The following SETD1A variants were observed in gnomAD, a reference collection of about 807,000 sequenced individuals.
SETD1A encodes the protein histone-lysine N-methyltransferase SETD1A.
In SETD1A, 29 loss-of-function variants were observed where a neutral mutation model predicts 149.9. The ratio of observed to expected loss-of-function variants is 0.19; its 90% CI spans 0.14 to 0.26. SETD1A has a LOEUF of 0.26. Ranked by LOEUF, SETD1A falls within the 10% of genes least tolerant of loss-of-function variation. The pLI, the probability that SETD1A is intolerant of heterozygous loss-of-function variation, is 1.00. For synonymous variants in SETD1A, 1,141 were observed against 968.5 expected, an observed-to-expected ratio of 1.18 and a Z score of -3.31; for missense variants, 2,109 against 2,353.1, an observed-to-expected ratio of 0.90 and a Z score of 2.15.
intron 13 of SETD1A, among the ~76,000 whole-genome samples, chr16:30,977,195 C>T (rs543987060): frequency 2.7e-4 from 41 of 152,314 alleles, no homozygotes; most frequent in South Asian, 2.1e-3. Flanking sequence ...CCACCCGCCT[C>T]GGCCTCCCAA....
chr16:30,983,556 C>A lies in SETD1A; in HGVS notation c.4813-79C>A. The A allele has an allele frequency of 6.5e-7, 1 of 1,533,630 alleles. No individual in the cohort carries two copies. The highest frequency in any genetic ancestry group is 1.2e-5 in the South Asian group (1 of 81,034). ...AGCTCCAGGCCTGGTGGGCGTGGAC[C>A]TGGGGTGCTGGCTGGCAGGCGTGCT... On this transcript the variant is annotated intron_variant, in intron 17 of 18. Transcript: ENST00000262519. This position sits in a 1 kb window ranked among gnomAD's most constrained non-coding sequence, Gnocchi z 6.8.
chr16:30,980,352 C>T lies in SETD1A; in HGVS notation c.4409-133C>T, dbSNP rs1596693395. On this transcript the variant is annotated intron_variant, in intron 14 of 18. Transcript: ENST00000262519. The surrounding 1 kb of genome is among the most constrained non-coding windows in gnomAD (Gnocchi z 7.7). ...TTTCTGCCTTCCAAAGCATTTCTGG[C>T]AGGAACGATGGGGCTGGGGCTTCCT... is the stretch of plus-strand genomic sequence containing the variant. The T allele has an allele frequency of 1.4e-6, 2 of 1,445,508 alleles. No homozygotes were observed. The highest frequency in any genetic ancestry group is 1.9e-6 in the Non-Finnish European group (2 of 1,073,984). 89.5% of individuals were successfully genotyped at this position (1,445,508 alleles called of 1,614,324 possible).
In SETD1A at chr16:30,979,567, C is replaced by G. The variant is rs867629252; in HGVS notation, c.3781C>G (p.Leu1261Val). 1.2e-6 allele frequency: 2 copies of G among 1,610,038 alleles called. No homozygotes were observed. Among genetic ancestry groups the G allele is most frequent in the Non-Finnish European group, 1.7e-6 (2 of 1,179,438 alleles). ...VDLAVLADLALTPARRGLPAL... is the reference protein window; with the variant it reads ...VDLAVLADLAVTPARRGLPAL... ...CCTGGCGGTCCTGGCCGACCTGGCC[C>G]TGACCCCTGCCCGGCGCGGGCTGCC... The change falls in exon 14 of 19, where the codon CTG becomes GTG. Residue 1261 changes from leucine (L) to valine (V), a missense_variant. Coordinates refer to ENST00000262519, the MANE Select transcript of SETD1A (RefSeq NM_014712.3).
In SETD1A at chr16:30,965,025, C is replaced by T. The variant is rs1171201882; in HGVS notation, c.1283C>T (p.Pro428Leu). The change falls in exon 7 of 19, where the codon CCT (proline) becomes CTT (leucine). Residue 428 changes from proline (P) to leucine (L), a missense_variant. Pro to Leu is a moderately conservative substitution (Grantham distance 98). Coordinates refer to ENST00000262519, the MANE Select transcript of SETD1A (RefSeq NM_014712.3). Reference sequence around the variant, plus strand: ...CCCACCGACCAGGACTACCGGCCTCCTGCCTCAGAGGCTCCACCCCCGGAG... The same window carrying T: ...CCCACCGACCAGGACTACCGGCCTCTTGCCTCAGAGGCTCCACCCCCGGAG... ...SRPTDQDYRP[P>L]ASEAPPPEPP... 2 of 1,613,408 alleles carry T rather than the reference C, an allele frequency of 1.2e-6. No homozygotes were observed. The highest frequency in any genetic ancestry group is 2.2e-5 in the East Asian group (1 of 44,874).
chr16:30,966,046 A>G lies in SETD1A; in HGVS notation c.2165A>G (p.Gln722Arg). Residue 722 changes from glutamine (Q) to arginine (R), a missense_variant, in exon 8 of 19, where the codon CAG (glutamine) becomes CGG (arginine). Around this residue, in one of 8 missense-constraint regions of SETD1A, gnomAD observed 431 missense variants for 388.6 expected, o/e 1.11. Transcript: ENST00000262519. The stretch of plus-strand genomic sequence containing the variant: ...GCCTTCCTCCCGTTTCCACCCCCGC[A>G]GGAGGCAGCCTACGGCTTGCCGTAT... ...GEAFLPFPPP[Q>R]EAAYGLPYAL... is the part of the protein sequence containing the mutation. 1.3e-6 allele frequency: 2 copies of G among 1,569,810 alleles called. No homozygotes were observed. Among genetic ancestry groups the G allele is most frequent in the Non-Finnish European group, 1.7e-6 (2 of 1,157,606 alleles).
At chr16:30,965,514 G>A in intron 7 of SETD1A, 53 bp downstream of exon 7, 1 of 1,587,874 alleles carries the variant, frequency 6.3e-7, no homozygotes, top group Non-Finnish European at 8.6e-7. Context: ...GTCAGGGTTG[G>A]GCCTAGGGGA....
intron 12 of SETD1A, among the ~76,000 whole-genome samples, 157 bp from the exon 13 acceptor site, chr16:30,971,221 A>C (rs2143534995): frequency 6.6e-6 from 1 of 152,204 alleles, no homozygotes; most frequent in Middle Eastern, 3.4e-3. Context: ...TGTTTATCTC[A>C]CAGTGAAAAT....
At chr16:30,958,551 G>C (rs939696512) in intron 1 of SETD1A, among the ~76,000 whole-genome samples, 166 bp from the exon 2 acceptor site, 2 of 152,170 alleles carry the variant, frequency 1.3e-5, no homozygotes, top group African/African-American at 4.8e-5. Flanking sequence ...TTGTTGTGGC[G>C]AAACAGAGGG....
chr16:30,966,137 G>A lies in SETD1A; in HGVS notation c.2256G>A (p.Met752Ile). 6.2e-7 allele frequency: 1 copy of A among 1,603,874 alleles called. No homozygotes were observed. The highest frequency in any genetic ancestry group is 8.5e-7 in the Non-Finnish European group (1 of 1,174,500). Reference protein sequence around the residue: ...AYSREAYHLPMPMAAEPLPSS... With the variant: ...AYSREAYHLPIPMAAEPLPSS... Reference sequence around the variant, plus strand: ...CACGGGAGGCCTACCACCTGCCCATGCCAATGGCAGCCGAGCCCCTGCCCT... The same window carrying A: ...CACGGGAGGCCTACCACCTGCCCATACCAATGGCAGCCGAGCCCCTGCCCT... Residue 752 changes from methionine to isoleucine, a missense_variant, in exon 8 of 19, where the codon ATG becomes ATA. Met to Ile is a conservative substitution (Grantham distance 10). Transcript: ENST00000262519.
rs1360216025 is a variant in SETD1A at position 30,967,507 on chromosome 16, C to T, written c.2689C>T (p.Arg897Trp). ...ALRLPSFKVK[R>W]KEPSEISEAS... Reference sequence around the variant, plus strand: ...TCTTTTCCCCATCCCCCAGGTAAAGCGGAAAGAGCCATCGGAAATTTCCGA... The same window carrying T: ...TCTTTTCCCCATCCCCCAGGTAAAGTGGAAAGAGCCATCGGAAATTTCCGA... The change falls in exon 10 of 19, where the codon CGG (arginine) becomes TGG (tryptophan). Residue 897 changes from arginine to tryptophan, a missense_variant. By Grantham distance (101) the Arg-to-Trp change is moderately radical. Transcript: ENST00000262519. The T allele has an allele frequency of 1.2e-6, 2 of 1,613,734 alleles. No individual in the cohort carries two copies. The highest frequency in any genetic ancestry group is 8.5e-7 in the Non-Finnish European group (1 of 1,179,798).
intron 17 of SETD1A, 76 bp downstream of exon 17, chr16:30,981,256 G>T: frequency 1.3e-6 from 2 of 1,579,396 alleles, no homozygotes; most frequent in Non-Finnish European, 1.7e-6. Flanking sequence ...CATGCTGTTT[G>T]TCCGGTTAAA....
chr16:30,965,877 A>G lies in SETD1A; in HGVS notation c.1996A>G (p.Met666Val), dbSNP rs767459223. 52 of 1,606,742 alleles carry G rather than the reference A, an allele frequency of 3.2e-5. No individual in the cohort carries two copies. In the Admixed American group the frequency reaches 7.8e-4, roughly 24 times the overall value. The change falls in exon 8 of 19, where the codon ATG (methionine) becomes GTG (valine). Residue 666 changes from methionine to valine, a missense_variant. Met to Val is a conservative substitution (Grantham distance 21). Around this residue, in one of 8 missense-constraint regions of SETD1A, gnomAD observed 431 missense variants for 388.6 expected, o/e 1.11. Coordinates refer to ENST00000262519, the MANE Select transcript of SETD1A (RefSeq NM_014712.3). ...TGACTTTGTGAACTCCTTGGAGCTC[A>G]TGGACCGACTTGGGGCTCAGTGGGG... ...IYDFVNSLEL[M>V]DRLGAQWGGM... is the part of the protein sequence containing the mutation.
Position 30,965,807 on chromosome 16 carries a change from GC to G in SETD1A, c.1931del (p.Pro644LeufsTer17). 1 of 1,531,664 alleles carries G rather than the reference GC, an allele frequency of 6.5e-7. No homozygotes were observed. Among genetic ancestry groups the G allele is most frequent in the Non-Finnish European group, 8.8e-7 (1 of 1,134,458 alleles). The allele number at this position is 1,531,664 out of a possible 1,614,324, so 94.9% of individuals were successfully genotyped here. A position where few individuals can be genotyped will look rare whatever the true frequency, so the allele number is the denominator to read the frequency against. ...TCCCACCCAGACCTGATGGGCCGCCGCCCCCTGAGTACCCCCCACCTCCTCC... is the reference window on the plus strand; with the variant it reads ...TCCCACCCAGACCTGATGGGCCGCCGCCCCTGAGTACCCCCCACCTCCTCC... The part of the protein sequence containing the change: ...LLPPRPDGPP[P>X]PEYPPPPPPP... On this transcript the variant is annotated frameshift_variant, in exon 8 of 19. Coordinates refer to ENST00000262519, the MANE Select transcript of SETD1A (RefSeq NM_014712.3). LOFTEE classifies it high-confidence loss of function.
intron 13 of SETD1A, among the ~76,000 whole-genome samples, chr16:30,975,702 A>G (rs1451127015): frequency 6.6e-6 from 1 of 151,668 alleles, no homozygotes; most frequent in Admixed American, 6.6e-5. Flanking sequence ...AAGTACTGGG[A>G]TTACAGGTGT....
Position 30,983,646 on chromosome 16 carries a change from C to T in SETD1A, c.4824C>T (p.Asp1608=), listed in dbSNP as rs773976406. The T allele has an allele frequency of 3.3e-5, 54 of 1,612,832 alleles. No individual in the cohort carries two copies. The highest frequency in any genetic ancestry group is 4.3e-5 in the Non-Finnish European group (51 of 1,179,788). Residue 1608 remains aspartate (D), a synonymous_variant, in exon 18 of 19, where the codon GAC becomes GAT. Coordinates refer to ENST00000262519, the MANE Select transcript of SETD1A (RefSeq NM_014712.3). This position sits in a 1 kb window ranked among gnomAD's most constrained non-coding sequence, Gnocchi z 6.8. ...TCTCACCCTGGCAGATGGTGGCCGA[C>T]ATGCGGGAGAAGCGCTACGTGCAGG... ...VGQNIRQMVA[D]MREKRYVQEG... is the part of the protein sequence containing the mutation.
chr16:30,979,129 T>C lies in SETD1A; in HGVS notation c.3359-16T>C, dbSNP rs757843739. 3 of 1,532,396 alleles carry C rather than the reference T, an allele frequency of 2.0e-6. No homozygotes were observed. Among genetic ancestry groups the C allele is most frequent in the Non-Finnish European group, 2.6e-6 (3 of 1,138,728 alleles). 94.9% of individuals were successfully genotyped at this position (1,532,396 alleles called of 1,614,324 possible). On this transcript the variant is annotated splice_polypyrimidine_tract_variant and intron_variant, in intron 13 of 18. Transcript: ENST00000262519. ...TCTCCCTGACCTCCTTTCCTTCCTA[T>C]GTGCTTCCTTCCCAGGCCCCACGGA...
Position 30,965,997 on chromosome 16 carries a change from C to G in SETD1A, c.2116C>G (p.Pro706Ala), listed in dbSNP as rs764280858. ...GKGLIAASAG[P>A]PGGAFGEAFL... is the part of the protein sequence containing the mutation. ...GGGATTGATTGCCGCCTCAGCTGGC[C>G]CCCCCGGTGGGGCCTTTGGGGAGGC... Residue 706 changes from proline to alanine, a missense_variant, in exon 8 of 19, where the codon CCC (proline) becomes GCC (alanine). Pro to Ala is a conservative substitution (Grantham distance 27). Transcript: ENST00000262519. 49 of 1,577,442 alleles carry G rather than the reference C, an allele frequency of 3.1e-5. No individual in the cohort carries two copies. Among genetic ancestry groups the G allele is most frequent in the Non-Finnish European group, 4.0e-5 (47 of 1,161,660 alleles).
intron 13 of SETD1A, among the ~76,000 whole-genome samples, chr16:30,973,117 G>A (rs1330940881): frequency 6.6e-6 from 1 of 152,156 alleles, no homozygotes; most frequent in African/African-American, 2.4e-5. Context: ...GGGGGCACTG[G>A]GGTGGCTGAA....
rs1255830442 is a variant in SETD1A at position 30,983,939 on chromosome 16, C to T, written c.5040C>T (p.Ile1680=). The change falls in exon 19 of 19, where the codon ATC becomes ATT. Residue 1680 remains isoleucine, a synonymous_variant. Transcript: ENST00000262519. The surrounding 1 kb of genome is among the most constrained non-coding windows in gnomAD (Gnocchi z 6.8). ...SKQPIGVDEE[I]TYDYKFPLED... The stretch of plus-strand genomic sequence containing the variant: ...AGCCCATTGGCGTGGACGAGGAGAT[C>T]ACCTACGACTACAAGTTCCCACTGG... 1.2e-6 allele frequency: 2 copies of T among 1,614,110 alleles called. No individual in the cohort carries two copies. The highest frequency in any genetic ancestry group is 1.7e-5 in the Admixed American group (1 of 59,988).
Sources: allele counts gnomAD v4.1 joint callset (sites outside exome capture counted in the v4.1 genomes callset), GRCh38; gene constraint gnomAD v4.1.1; regional missense constraint gnomAD v4.1.1; non-coding constraint Gnocchi (gnomAD v3.1); transcripts MANE v1.5; gene names NCBI Gene and HGNC (gene_info 2026-07-23, HGNC 2026-07-21).